Variants in POGZ observed in about 807,000 individuals in gnomAD.
POGZ encodes the protein pogo transposable element with ZNF domain.
In POGZ, 17 loss-of-function variants were observed where a neutral mutation model predicts 134.6. The observed-to-expected ratio is 0.13, with a 90% CI of 0.09 to 0.19. The LOEUF (loss-of-function observed/expected upper bound fraction) is 0.19. POGZ is among the 10% of genes least tolerant of loss of function. The pLI is 1.00. For synonymous variants in POGZ, 693 were observed against 657.1 expected, an observed-to-expected ratio of 1.05 and a Z score of -0.84; for missense variants, 1,306 against 1,769.7, an observed-to-expected ratio of 0.74 and a Z score of 4.70.
chr1:151,445,491 C>T (rs186437821), intron 1 of POGZ, among the ~76,000 whole-genome samples: 1 of 137,068 alleles, frequency 7.3e-6, no homozygotes, highest in African/African-American at 2.8e-5. Flanking sequence ...CACTGCACTC[C>T]AGCCTGGGCA....
Position 151,448,724 on chromosome 1 carries a change from T to C in POGZ, c.-1-6519A>G, listed in dbSNP as rs992059841. 4.6e-5 allele frequency among the ~76,000 whole-genome samples: 7 copies of C among 151,980 alleles called. No individual in the cohort carries two copies. The South Asian group carries it at 1.5e-3, about 32-fold the overall frequency. On this transcript the variant is annotated intron_variant, in intron 1 of 18. Transcript: ENST00000271715. ...AAAAAGTAGAAAAATTAGCAGAGTG[T>C]TGGTGGCATGCACATCTGTAGTCCC...
intron 1 of POGZ, among the ~76,000 whole-genome samples, chr1:151,446,936 G>A (rs1661365164): frequency 1.3e-5 from 2 of 151,778 alleles, no homozygotes; most frequent in Admixed American, 6.6e-5. Flanking sequence ...ACATGTATTC[G>A]TCACTCAGTT....
chr1:151,409,786 C>T (rs754107626), intron 12 of POGZ, among the ~76,000 whole-genome samples: 4 of 152,198 alleles, frequency 2.6e-5, no homozygotes, highest in Non-Finnish European at 5.9e-5. Flanking sequence ...CTATACCTTG[C>T]TGTTTTCTCA....
At chr1:151,421,330 G>A (rs1197978150) in intron 10 of POGZ, among the ~76,000 whole-genome samples, 1 of 144,088 alleles carries the variant, frequency 6.9e-6, no homozygotes, top group African/African-American at 2.6e-5. Flanking sequence ...AGATATAAAA[G>A]GAAAGCAATT....
intron 10 of POGZ, among the ~76,000 whole-genome samples, chr1:151,416,283 G>A (rs980563758): frequency 6.7e-6 from 1 of 150,294 alleles, no homozygotes; most frequent in African/African-American, 2.4e-5. Context: ...CAGACAGAGT[G>A]CGGTGGCTCA....
chr1:151,408,650 TC>T (rs777866253), intron 13 of POGZ, 43 bp downstream of exon 13: 1 of 1,605,530 alleles, frequency 6.2e-7, no homozygotes, highest in Non-Finnish European at 8.5e-7. Flanking sequence ...AAATCTCTAT[TC>T]CTCCCTCCCT....
chr1:151,439,538 A>G (rs1008330336), intron 3 of POGZ, among the ~76,000 whole-genome samples: 1 of 152,102 alleles, frequency 6.6e-6, no homozygotes, highest in African/African-American at 2.4e-5. Flanking sequence ...AGCAAATCTC[A>G]CCTCTAAGAC....
intron 3 of POGZ, among the ~76,000 whole-genome samples, chr1:151,437,790 T>C (rs917082340): frequency 2.0e-5 from 3 of 152,158 alleles, no homozygotes; most frequent in Non-Finnish European, 2.9e-5. Flanking sequence ...ATGTTACTAA[T>C]GTAGTAAGCA....
At chr1:151,406,792 T>G (rs1394008306) in intron 17 of POGZ, 119 bp downstream of exon 17, 2 of 969,490 alleles carry the variant, frequency 2.1e-6, no homozygotes, top group Non-Finnish European at 3.2e-6. Flanking sequence ...TCTAATTAGG[T>G]CCAGCACATC....
At position 151,411,701 on chromosome 1, in the gene POGZ, C is replaced by T. The variant is rs72996036; in HGVS notation, c.1850G>A (p.Arg617Gln). The change falls in exon 12 of 19, where the codon CGG becomes CAG. Residue 617 changes from arginine (R) to glutamine (Q), a missense_variant. Transcript: ENST00000271715. ...CAGGCAATAAGGGCAGAGCAGATGCCGGGTATCCTCATGGATCATCCGAAA... is the reference window on the plus strand; with the variant it reads ...CAGGCAATAAGGGCAGAGCAGATGCTGGGTATCCTCATGGATCATCCGAAA... ...VHFRMIHEDTRHLLCPYCLKV... is the reference protein window; with the variant it reads ...VHFRMIHEDTQHLLCPYCLKV... 44 of 1,613,334 alleles carry T rather than the reference C, an allele frequency of 2.7e-5. No homozygotes were observed. The African/African-American group carries it at 3.7e-4, about 14-fold the overall frequency.
chr1:151,430,687 T>C lies in POGZ; in HGVS notation c.438A>G (p.Gln146=). ...NHVTSSPVAS[Q]PIFITTQGFP... is the part of the protein sequence containing the mutation. ...TCACCTGCGTAGTGATAAATATTGGTTGTGAGGCCACAGGGGAACTAGTCA... is the reference window on the plus strand; with the variant it reads ...TCACCTGCGTAGTGATAAATATTGGCTGTGAGGCCACAGGGGAACTAGTCA... The change falls in exon 4 of 19, where the codon CAA becomes CAG. Residue 146 remains glutamine (Q), a synonymous_variant. Coordinates refer to ENST00000271715, the MANE Select transcript of POGZ (RefSeq NM_015100.4). 1 of 1,609,132 alleles carries C rather than the reference T, an allele frequency of 6.2e-7. No individual in the cohort carries two copies. The highest frequency in any genetic ancestry group is 8.5e-7 in the Non-Finnish European group (1 of 1,177,772).
chr1:151,436,316 C>A (rs1351200196), intron 3 of POGZ, among the ~76,000 whole-genome samples: 2 of 152,090 alleles, frequency 1.3e-5, no homozygotes, highest in Non-Finnish European at 2.9e-5. Flanking sequence ...AGCAATTATT[C>A]CCCATTCTTT....
chr1:151,423,013 A>G (rs1657197646), intron 10 of POGZ, among the ~76,000 whole-genome samples: 1 of 152,254 alleles, frequency 6.6e-6, no homozygotes, highest in Non-Finnish European at 1.5e-5. Flanking sequence ...TCTTAATGAT[A>G]AAGTACTTCA....
Position 151,451,546 on chromosome 1 carries a change from C to T in POGZ, c.-2+7606G>A, listed in dbSNP as rs193105979. Among the ~76,000 whole-genome samples, 713 of 151,444 alleles carry T rather than the reference C, an allele frequency of 4.7e-3. 6 individuals carry two copies. The highest frequency in any genetic ancestry group is 7.1e-3 in the Non-Finnish European group (483 of 67,892). ...TCATCATGTTGGTCAGGCTGGTCTT[C>T]AACTCCTGACCTCAGGTGATCCACC... On this transcript the variant is annotated intron_variant, in intron 1 of 18. Transcript: ENST00000271715.
intron 3 of POGZ, among the ~76,000 whole-genome samples, chr1:151,432,594 A>C (rs1658877668): frequency 1.3e-5 from 2 of 152,234 alleles, no homozygotes; most frequent in Admixed American, 1.3e-4. Context: ...ATACATAAAA[A>C]GGGAACGCTA....
At chr1:151,407,156 C>A in intron 16 of POGZ, 79 bp downstream of exon 16, 1 of 1,248,972 alleles carries the variant, frequency 8.0e-7, no homozygotes, top group South Asian at 1.3e-5. Context: ...CACATAACCA[C>A]CTCTCCAAAT....
intron 17 of POGZ, 128 bp downstream of exon 17, chr1:151,406,783 C>G: frequency 1.0e-6 from 1 of 964,512 alleles, no homozygotes. Flanking sequence ...CGGAAGGTTT[C>G]TAATTAGGTC....
intron 15 of POGZ, 26 bp downstream of exon 15, chr1:151,408,073 TA>T: frequency 6.6e-7 from 1 of 1,512,238 alleles, no homozygotes; most frequent in Non-Finnish European, 9.0e-7. Flanking sequence ...ACTCTCAAGC[TA>T]AAACACTGGT....
At chr1:151,413,171 C>T (rs779313248) in intron 10 of POGZ, among the ~76,000 whole-genome samples, 3 of 145,390 alleles carry the variant, frequency 2.1e-5, no homozygotes, top group Non-Finnish European at 4.5e-5. Flanking sequence ...ATGATCATAG[C>T]TCACCGCAGC....
Sources: allele counts gnomAD v4.1 joint callset (sites outside exome capture counted in the v4.1 genomes callset), GRCh38; gene constraint gnomAD v4.1.1; transcripts MANE v1.5; gene names NCBI Gene and HGNC (gene_info 2026-07-23, HGNC 2026-07-21).